Variants in MAP4K4 observed in about 807,000 individuals in gnomAD.
The protein encoded by MAP4K4 is mitogen-activated protein kinase kinase kinase kinase 4, also known as HPK/GCK-like kinase HGK.
A neutral mutation model predicts 189.6 loss-of-function variants in MAP4K4; 38 were observed. The ratio of observed to expected loss-of-function variants is 0.20; its 90% CI spans 0.15 to 0.26. MAP4K4 has a LOEUF of 0.26. Among genes scored for constraint, MAP4K4 ranks in the 10% least tolerant of loss-of-function variants. MAP4K4 has a pLI of 1.00. For synonymous variants in MAP4K4, 610 were observed against 624.3 expected, an observed-to-expected ratio of 0.98 and a Z score of 0.34; for missense variants, 1,054 against 1,726.9, an observed-to-expected ratio of 0.61 and a Z score of 6.91.
intron 11 of MAP4K4, 86 bp downstream of exon 11, chr2:101,842,767 G>A: frequency 1.1e-6 from 1 of 928,580 alleles, no homozygotes; most frequent in South Asian, 1.8e-5. Context: ...ACTCCTGTGT[G>A]GTACAAAGAA....
intron 2 of MAP4K4, among the ~76,000 whole-genome samples, chr2:101,733,841 T>A (rs1209572751): frequency 2.0e-5 from 3 of 151,728 alleles, no homozygotes; most frequent in African/African-American, 7.3e-5. Context: ...AGATCAGGAG[T>A]CTGATGTTTC....
chr2:101,720,719 T>C (rs1158200330), intron 2 of MAP4K4, among the ~76,000 whole-genome samples: 1 of 152,256 alleles, frequency 6.6e-6, no homozygotes, highest in Non-Finnish European at 1.5e-5. Context: ...CTTTGATTTT[T>C]AGATTGTGCT....
At chr2:101,778,350 A>G (rs560161388) in intron 2 of MAP4K4, among the ~76,000 whole-genome samples, 52 of 152,256 alleles carry the variant, frequency 3.4e-4, no homozygotes, top group African/African-American at 1.2e-3. Flanking sequence ...GTCCCCACCT[A>G]ATCTCCAGGC....
At chr2:101,765,509 G>A (rs2078266126) in intron 2 of MAP4K4, among the ~76,000 whole-genome samples, 1 of 152,036 alleles carries the variant, frequency 6.6e-6, no homozygotes, top group Non-Finnish European at 1.5e-5. Context: ...ATTTTTTGTA[G>A]AGATGGGGTT....
chr2:101,770,570 C>T (rs898614673), intron 2 of MAP4K4, among the ~76,000 whole-genome samples: 1 of 152,168 alleles, frequency 6.6e-6, no homozygotes, highest in Non-Finnish European at 1.5e-5. Context: ...AACCACTGCG[C>T]CCCCTGGCCT....
chr2:101,867,644 C>A (rs1262441191), intron 20 of MAP4K4: 5 of 336,386 alleles, frequency 1.5e-5, no homozygotes, highest in Non-Finnish European at 2.7e-5. Flanking sequence ...AAAAAAAATA[C>A]AAAAGAAAGA....
intron 2 of MAP4K4, among the ~76,000 whole-genome samples, chr2:101,745,370 A>C (rs2064883691): frequency 7.8e-6 from 1 of 129,008 alleles, no homozygotes; most frequent in Non-Finnish European, 1.6e-5. Context: ...CCTCCCAAAT[A>C]ATACTGTTTA....
intron 21 of MAP4K4, 120 bp from the exon 22 acceptor site, chr2:101,869,502 G>T: frequency 1.4e-6 from 1 of 698,656 alleles, no homozygotes; most frequent in East Asian, 2.8e-5. Flanking sequence ...TCATGAAACT[G>T]GGTAACTATA....
intron 2 of MAP4K4, among the ~76,000 whole-genome samples, chr2:101,733,266 G>T (rs2059228159): frequency 6.6e-6 from 1 of 152,220 alleles, no homozygotes; most frequent in Admixed American, 6.5e-5. Flanking sequence ...ATGCAGGGAT[G>T]ATGAGGAAAG....
Position 101,871,481 on chromosome 2 carries a change from GT to G in MAP4K4, c.2761-7del, listed in dbSNP as rs1178751101. 1 of 1,524,462 alleles carries G rather than the reference GT, an allele frequency of 6.6e-7. No individual in the cohort carries two copies. Among genetic ancestry groups the G allele is most frequent in the Non-Finnish European group, 8.8e-7 (1 of 1,138,372 alleles). 94.4% of individuals were successfully genotyped at this position (1,524,462 alleles called of 1,614,324 possible). On this transcript the variant is annotated splice_polypyrimidine_tract_variant and intron_variant, in intron 23 of 32. Transcript: ENST00000324219. ...GCGCTTGAGCGAGACAAGTGTGCCT[GT>G]TTTTTCTACAGAGTACAGTTGACCA...
In MAP4K4 at chr2:101,873,767, A is replaced by G. The variant is rs1470916657; in HGVS notation, c.3070+3A>G. 1.3e-6 allele frequency: 2 copies of G among 1,576,900 alleles called. No homozygotes were observed. The highest frequency in any genetic ancestry group is 3.3e-5 in the Admixed American group (2 of 59,824). On this transcript the variant is annotated splice_donor_region_variant and intron_variant, in intron 25 of 32. Transcript: ENST00000324219. ...CGGAACAACAGTGACATCTGTGGGT[A>G]AGTACAGTAGCAACAAGAAAGCAGC...
chr2:101,709,191 C>T (rs2149278902), intron 2 of MAP4K4, among the ~76,000 whole-genome samples: 1 of 152,234 alleles, frequency 6.6e-6, no homozygotes, highest in African/African-American at 2.4e-5. Context: ...TATTATTAGT[C>T]ATTACTGTGA....
exon 33 of MAP4K4, chr2:101,893,297 A>C (rs2098594988): frequency 2.2e-6 from 1 of 456,042 alleles, no homozygotes; most frequent in Non-Finnish European, 4.4e-6. Flanking sequence ...AAGTAAAAGA[A>C]GATGGAAATG....
chr2:101,795,407 T>G (rs1191831507), intron 3 of MAP4K4, among the ~76,000 whole-genome samples: 1 of 152,218 alleles, frequency 6.6e-6, no homozygotes, highest in East Asian at 1.9e-4. Context: ...TGTCTGGATA[T>G]TCCTGTGGAC....
chr2:101,731,209 C>G (rs1023936564), intron 2 of MAP4K4, among the ~76,000 whole-genome samples: 2 of 151,830 alleles, frequency 1.3e-5, no homozygotes, highest in African/African-American at 4.8e-5. Flanking sequence ...CTCCGCCCCC[C>G]AGATTCAAGT....
At chr2:101,758,428 G>A (rs1404157850) in intron 2 of MAP4K4, among the ~76,000 whole-genome samples, 1 of 152,104 alleles carries the variant, frequency 6.6e-6, no homozygotes. Context: ...AGATATACTC[G>A]GATGTTTTTC....
At chr2:101,753,307 C>T (rs1028648770) in intron 2 of MAP4K4, among the ~76,000 whole-genome samples, 1 of 152,200 alleles carries the variant, frequency 6.6e-6, no homozygotes. Flanking sequence ...ACAGCTCACC[C>T]TCCCCACCTG....
chr2:101,841,564 G>A (rs892057857), intron 10 of MAP4K4, among the ~76,000 whole-genome samples: 2 of 151,974 alleles, frequency 1.3e-5, no homozygotes, highest in Non-Finnish European at 2.9e-5. Context: ...CGCCTCCCAG[G>A]TTCAAGTGAT....
At chr2:101,803,789 C>T (rs763883577) in intron 3 of MAP4K4, among the ~76,000 whole-genome samples, 29 of 152,250 alleles carry the variant, frequency 1.9e-4, no homozygotes, top group Admixed American at 3.3e-4. Flanking sequence ...ATTAGAGAAA[C>T]GGACCCCCCC....
Sources: gnomAD v4.1 joint callset for allele counts (sites outside exome capture counted in the v4.1 genomes callset) on GRCh38, gnomAD v4.1.1 for gene constraint, MANE v1.5 for transcripts, NCBI Gene and HGNC (gene_info 2026-07-23, HGNC 2026-07-21) for gene names.